Variants in RBMS3 observed in about 807,000 individuals in gnomAD.
RBMS3 encodes RNA-binding motif, single-stranded-interacting protein 3.
RBMS3 carries 27 observed loss-of-function variants against 66.8 expected under a neutral mutation model. The observed-to-expected ratio is 0.40, with a 90% CI of 0.30 to 0.56. The LOEUF is 0.56. Ranked by LOEUF, RBMS3 falls within the 20% of genes least tolerant of loss-of-function variation. The pLI, the probability that RBMS3 is intolerant of heterozygous loss-of-function variation, is 0.40. For missense variants in RBMS3, 513 were observed against 549.5 expected, an observed-to-expected ratio of 0.93 and a Z score of 0.66; for synonymous variants, 188 against 183.0, an observed-to-expected ratio of 1.03 and a Z score of -0.22.
intron 3 of RBMS3, among the ~76,000 whole-genome samples, chr3:29,555,887 G>C (rs869213049): frequency 6.6e-6 from 1 of 151,904 alleles, no homozygotes; most frequent in Non-Finnish European, 1.5e-5. Context: ...TATTTCAAAA[G>C]CTTTTTCAGA....
At chr3:29,289,651 A>G (rs984911951) in intron 1 of RBMS3, among the ~76,000 whole-genome samples, 1 of 151,918 alleles carries the variant, frequency 6.6e-6, no homozygotes, top group Admixed American at 6.6e-5. Context: ...TGATAAATAC[A>G]AAAGTGAGAC....
intron 1 of RBMS3, among the ~76,000 whole-genome samples, chr3:29,284,613 T>G (rs2032119465): frequency 6.6e-6 from 1 of 152,098 alleles, no homozygotes; most frequent in Admixed American, 6.5e-5. Context: ...GCTCCTATTA[T>G]TTTCCATTGC....
At chr3:29,993,552 C>G (rs1342880339) in intron 14 of RBMS3, among the ~76,000 whole-genome samples, 1 of 152,136 alleles carries the variant, frequency 6.6e-6, no homozygotes, top group Non-Finnish European at 1.5e-5. Flanking sequence ...ATTCCACCCC[C>G]CACTGTGGGA....
intron 12 of RBMS3, among the ~76,000 whole-genome samples, chr3:29,979,003 A>T (rs1240187791): frequency 2.0e-5 from 3 of 152,054 alleles, no homozygotes; most frequent in Non-Finnish European, 4.4e-5. Context: ...ATGGTGGTGC[A>T]TGCATGTAGT....
chr3:29,432,564 C>G (rs1161260738), intron 1 of RBMS3, among the ~76,000 whole-genome samples: 1 of 152,032 alleles, frequency 6.6e-6, no homozygotes. Flanking sequence ...TATATAGTAA[C>G]CTAAATATTT....
chr3:29,521,565 G>A (rs1212107121), intron 3 of RBMS3, among the ~76,000 whole-genome samples: 2 of 152,088 alleles, frequency 1.3e-5, no homozygotes, highest in African/African-American at 4.8e-5. Flanking sequence ...TTCTGAACTG[G>A]CATACCAGAA....
At chr3:29,478,071 A>G (rs1375578740) in intron 2 of RBMS3, among the ~76,000 whole-genome samples, 6 of 152,112 alleles carry the variant, frequency 3.9e-5, no homozygotes, top group Non-Finnish European at 7.4e-5. Flanking sequence ...ACCCAGCGCA[A>G]AGACAATTTG....
intron 1 of RBMS3, among the ~76,000 whole-genome samples, chr3:29,331,815 CTTTTTTTT>C (rs11354452): frequency 1.4e-5 from 1 of 69,710 alleles, no homozygotes; most frequent in Non-Finnish European, 2.5e-5. Context: ...AGGATAGCTC[CTTTTTTTT>C]TTTTTTTTTT....
chr3:29,975,960 G>T (rs927520866), intron 12 of RBMS3, among the ~76,000 whole-genome samples: 1 of 151,702 alleles, frequency 6.6e-6, no homozygotes, highest in African/African-American at 2.4e-5. Flanking sequence ...GAGGAATGTG[G>T]CATATCTCTG....
chr3:29,495,820 C>G (rs192159247), intron 3 of RBMS3, among the ~76,000 whole-genome samples: 21 of 152,014 alleles, frequency 1.4e-4, no homozygotes, highest in Non-Finnish European at 3.1e-4. Flanking sequence ...CATGAGGTAT[C>G]CTTTACCTAT....
intron 1 of RBMS3, among the ~76,000 whole-genome samples, chr3:29,419,792 A>G (rs550655188): frequency 4.6e-5 from 7 of 152,348 alleles, no homozygotes; most frequent in South Asian, 2.1e-4. Flanking sequence ...GTAAATTAAT[A>G]TATAAATCTT....
chr3:29,351,559 AT>A (rs1037258336), intron 1 of RBMS3, among the ~76,000 whole-genome samples: 17 of 151,892 alleles, frequency 1.1e-4, no homozygotes, highest in Non-Finnish European at 2.4e-4. Context: ...TTCCTTACAG[AT>A]TTTTCACTTT....
chr3:29,752,007 A>G (rs1046503668), intron 5 of RBMS3, among the ~76,000 whole-genome samples: 3 of 152,124 alleles, frequency 2.0e-5, no homozygotes, highest in African/African-American at 7.2e-5. Flanking sequence ...TAACAGCTCA[A>G]TGGGGAGTTA....
At chr3:29,392,104 G>A (rs191304360) in intron 1 of RBMS3, among the ~76,000 whole-genome samples, 101 of 152,136 alleles carry the variant, frequency 6.6e-4, no homozygotes, top group African/African-American at 2.4e-3. Context: ...ACAAAACTGA[G>A]CCAGGCATGG....
At chr3:29,932,339 A>G (rs887520332) in intron 10 of RBMS3, among the ~76,000 whole-genome samples, 1 of 152,228 alleles carries the variant, frequency 6.6e-6, no homozygotes, top group Admixed American at 6.5e-5. Context: ...AGCGTACATA[A>G]AATAAAGCCA....
At chr3:29,932,118 A>G (rs1470875637) in intron 10 of RBMS3, among the ~76,000 whole-genome samples, 1 of 152,172 alleles carries the variant, frequency 6.6e-6, no homozygotes, top group East Asian at 1.9e-4. Flanking sequence ...ATGTGTTATA[A>G]TAGAAGCCAA....
chr3:29,747,390 G>GTAGGTAGATAGATAGA (rs1553655867), intron 5 of RBMS3, among the ~76,000 whole-genome samples: 4 of 141,160 alleles, frequency 2.8e-5, no homozygotes, highest in African/African-American at 8.2e-5. Flanking sequence ...AGGTAGGTAG[G>GTAGGTAGATAGATAGA]TAGATAGATA....
chr3:29,794,515 G>T (rs541475526), intron 6 of RBMS3, among the ~76,000 whole-genome samples: 1 of 152,304 alleles, frequency 6.6e-6, no homozygotes, highest in South Asian at 2.1e-4. Context: ...GAACCCGGGA[G>T]GCTGAGCTTA....
chr3:29,396,039 A>G (rs1163233955), intron 1 of RBMS3, among the ~76,000 whole-genome samples: 1 of 152,186 alleles, frequency 6.6e-6, no homozygotes, highest in Non-Finnish European at 1.5e-5. Context: ...GTAACTATAC[A>G]ATGGAAACAT....
Sources: gnomAD v4.1 joint callset for allele counts (sites outside exome capture counted in the v4.1 genomes callset) on GRCh38, gnomAD v4.1.1 for gene constraint, MANE v1.5 for transcripts, NCBI Gene and HGNC (gene_info 2026-07-23, HGNC 2026-07-21) for gene names.